MTA3: variants seen among roughly 807,000 people sequenced by gnomAD.
MTA3 encodes the protein metastasis associated 1 family member 3, also known as metastasis-associated protein MTA3.
MTA3 carries 34 observed loss-of-function variants against 83.5 expected under a neutral mutation model. That is an observed-to-expected ratio of 0.41 (90% CI 0.31 to 0.54). The LOEUF (loss-of-function observed/expected upper bound fraction) is 0.54. Among genes scored for constraint, MTA3 ranks in the 20% least tolerant of loss-of-function variants. MTA3 has a pLI of 0.33. For synonymous variants in MTA3, 303 were observed against 252.7 expected (o/e 1.20, Z -1.89); for missense variants, 761 against 726.4 (o/e 1.05, Z -0.55).
intron 2 of MTA3, among the ~76,000 whole-genome samples, chr2:42,512,816 T>C (rs1674965561): frequency 6.6e-6 from 1 of 152,228 alleles, no homozygotes. Context: ...ATAACTTCCA[T>C]TGACTCGGCA....
intron 2 of MTA3, among the ~76,000 whole-genome samples, chr2:42,523,190 C>A (rs1675502221): frequency 6.6e-6 from 1 of 152,160 alleles, no homozygotes. Flanking sequence ...CCTCATAGTT[C>A]TGAATGTCAG....
chr2:42,562,417 C>T (rs1677712392), intron 2 of MTA3, among the ~76,000 whole-genome samples: 1 of 152,106 alleles, frequency 6.6e-6, no homozygotes, highest in African/African-American at 2.4e-5. Flanking sequence ...CATCTTCCCT[C>T]CCCCTCCCCA....
intron 6 of MTA3, among the ~76,000 whole-genome samples, chr2:42,647,864 G>T (rs1034454892): frequency 3.3e-5 from 5 of 152,014 alleles, no homozygotes; most frequent in Non-Finnish European, 7.4e-5. Context: ...TTGAAATGGA[G>T]TTTCGCTCTT....
At chr2:42,512,122 T>C (rs1050284074) in intron 2 of MTA3, among the ~76,000 whole-genome samples, 3 of 151,490 alleles carry the variant, frequency 2.0e-5, no homozygotes, top group African/African-American at 4.8e-5. Context: ...AGGGTTTTTT[T>C]CTTTTTCTTT....
chr2:42,606,366 GC>G (rs1683405259), intron 3 of MTA3, among the ~76,000 whole-genome samples: 1 of 145,450 alleles, frequency 6.9e-6, no homozygotes, highest in African/African-American at 2.6e-5. Context: ...GGGCGGAGGG[GC>G]TCCTCACTTC....
intron 4 of MTA3, among the ~76,000 whole-genome samples, chr2:42,629,102 C>G (rs112105432): frequency 3.9e-5 from 6 of 151,900 alleles, no homozygotes; most frequent in African/African-American, 1.2e-4. Flanking sequence ...TTTTTTGAGA[C>G]GGAGTCTTGC....
chr2:42,553,416 T>C, intron 2 of MTA3, among the ~76,000 whole-genome samples: 3 of 87,094 alleles, frequency 3.4e-5, no homozygotes, highest in South Asian at 5.0e-4. Context: ...AGAGCGAGAC[T>C]CCATCTCAAA....
rs1394005093 is a variant in MTA3, at chr2:42,595,823, A to G, written c.191-13635A>G. Among the ~76,000 whole-genome samples the G allele has an allele frequency of 2.0e-5, 3 of 152,180 alleles. No individual in the cohort carries two copies. The East Asian group carries it at 5.8e-4, about 29-fold the overall frequency. Reference sequence around the variant, plus strand: ...AAGTTACAATAATGATTTAACAATAATAGTAGGAGCTAACACATAATACCA... The same window carrying G: ...AAGTTACAATAATGATTTAACAATAGTAGTAGGAGCTAACACATAATACCA... On this transcript the variant is annotated intron_variant, in intron 3 of 16. Coordinates refer to ENST00000405094, the MANE Select transcript of MTA3 (RefSeq NM_001330442.2).
intron 6 of MTA3, among the ~76,000 whole-genome samples, chr2:42,648,157 A>G (rs1688390891): frequency 6.6e-6 from 1 of 152,108 alleles, no homozygotes; most frequent in Non-Finnish European, 1.5e-5. Context: ...CTTTTTTCTA[A>G]TGACTATTTT....
intron 8 of MTA3, among the ~76,000 whole-genome samples, chr2:42,668,798 C>A (rs1463926666): frequency 1.3e-5 from 2 of 152,086 alleles, no homozygotes; most frequent in African/African-American, 4.8e-5. Flanking sequence ...AAGTGGTGAA[C>A]AAAGGCTGTT....
chr2:42,514,893 G>A (rs1245837071), intron 2 of MTA3, among the ~76,000 whole-genome samples: 2 of 150,924 alleles, frequency 1.3e-5, no homozygotes, highest in Admixed American at 6.6e-5. Flanking sequence ...TTGCCACTGT[G>A]TTGCCCAGGC....
chr2:42,641,026 C>T lies in MTA3; in HGVS notation c.381+790C>T, dbSNP rs569952832. On this transcript the variant is annotated intron_variant, in intron 5 of 16. Transcript: ENST00000405094. ...GGTTCAAGCAATTCTCATGCTTCAG[C>T]CTCCTGAGTAGCTGGGATCATAGGT... 7.9e-5 allele frequency among the ~76,000 whole-genome samples: 12 copies of T among 152,210 alleles called. No individual in the cohort carries two copies. The East Asian group carries it at 1.5e-3, about 20-fold the overall frequency.
intron 2 of MTA3, among the ~76,000 whole-genome samples, chr2:42,519,664 C>G (rs1230424108): frequency 6.6e-6 from 1 of 151,294 alleles, no homozygotes; most frequent in African/African-American, 2.4e-5. Context: ...GTCCCAGCTA[C>G]TCAGAGGCTG....
At chr2:42,508,609 A>G (rs1674748601) in intron 2 of MTA3, among the ~76,000 whole-genome samples, 1 of 151,946 alleles carries the variant, frequency 6.6e-6, no homozygotes, top group Non-Finnish European at 1.5e-5. Context: ...CTGGGATTAC[A>G]GGTGTGAGCC....
At chr2:42,530,903 C>G (rs1437876416) in intron 2 of MTA3, among the ~76,000 whole-genome samples, 4 of 152,118 alleles carry the variant, frequency 2.6e-5, no homozygotes, top group African/African-American at 9.7e-5. Flanking sequence ...AATCTCAGCT[C>G]ACTACAACCT....
At chr2:42,656,104 T>A in intron 6 of MTA3, 96 bp from the exon 7 acceptor site, 1 of 920,020 alleles carries the variant, frequency 1.1e-6, no homozygotes, top group Non-Finnish European at 1.7e-6. Context: ...ACCTTACACA[T>A]AAACATTTCT....
At chr2:42,523,443 G>C (rs1327455675) in intron 2 of MTA3, among the ~76,000 whole-genome samples, 7 of 152,120 alleles carry the variant, frequency 4.6e-5, no homozygotes, top group Non-Finnish European at 1.0e-4. Context: ...ATAAGGCAAC[G>C]ATCCAGCCTC....
At chr2:42,549,257 A>T (rs980868161) in intron 2 of MTA3, among the ~76,000 whole-genome samples, 16 of 131,850 alleles carry the variant, frequency 1.2e-4, no homozygotes, top group Middle Eastern at 3.8e-3. Flanking sequence ...TATATTATAT[A>T]TTATATACGT....
intron 3 of MTA3, among the ~76,000 whole-genome samples, chr2:42,602,941 T>C (rs1321301318): frequency 2.0e-5 from 3 of 152,070 alleles, no homozygotes; most frequent in Non-Finnish European, 4.4e-5. Flanking sequence ...ATGACATGAA[T>C]TTCCTCTGTC....
Sources: allele counts gnomAD v4.1 joint callset (sites outside exome capture counted in the v4.1 genomes callset), GRCh38; gene constraint gnomAD v4.1.1; transcripts MANE v1.5; gene names NCBI Gene and HGNC (gene_info 2026-07-23, HGNC 2026-07-21).